The following NUMA1 variants were observed in gnomAD, a reference collection of about 807,000 sequenced individuals.
NUMA1 encodes nuclear mitotic apparatus protein 1.
A neutral mutation model predicts 237.1 loss-of-function variants in NUMA1; 62 were observed. That is an observed-to-expected ratio of 0.26 (90% confidence interval 0.21 to 0.32). The LOEUF (loss-of-function observed/expected upper bound fraction) is 0.32, where lower values mean the gene tolerates loss of function less well. NUMA1 is among the 10% of genes least tolerant of loss of function. The pLI, the probability that NUMA1 is intolerant of heterozygous loss-of-function variation, is 1.00. For missense variants in NUMA1, 2,533 were observed against 2,666.5 expected (o/e 0.95, Z 1.10); for synonymous variants, 1,028 against 1,066.1 (o/e 0.96, Z 0.70).
At chr11:72,055,273 AC>A (rs1942574789) in intron 2 of NUMA1, among the ~76,000 whole-genome samples, 1 of 152,230 alleles carries the variant, frequency 6.6e-6, no homozygotes, top group South Asian at 2.1e-4. Flanking sequence ...TGTCAGATGA[AC>A]CTTACAACAG....
rs1156742185 is a variant in NUMA1 at position 72,013,498 on chromosome 11, C to T, written c.4005G>A (p.Lys1335=). 2.5e-6 allele frequency: 4 copies of T among 1,613,454 alleles called. No individual in the cohort carries two copies. The highest frequency in any genetic ancestry group is 1.1e-5 in the South Asian group (1 of 91,082). ...LGQELKAWQE[K]FFQKEQALST... is the part of the protein sequence containing the mutation. The stretch of plus-strand genomic sequence containing the variant: ...AGAGGGCCTGCTCTTTCTGGAAGAA[C>T]TTCTCCTGCCACGCCTTCAATTCTT... Residue 1335 remains lysine (K), a synonymous_variant, in exon 15 of 27, where the codon AAG becomes AAA. Transcript: ENST00000393695. This position sits in a 1 kb window ranked among gnomAD's most constrained non-coding sequence, Gnocchi z 6.8.
chr11:72,037,519 A>T (rs1241924607), intron 2 of NUMA1, among the ~76,000 whole-genome samples: 1 of 151,654 alleles, frequency 6.6e-6, no homozygotes, highest in African/African-American at 2.4e-5. Context: ...AAAAAATAAT[A>T]AAAAAAAAGA....
intron 17 of NUMA1, among the ~76,000 whole-genome samples, chr11:72,009,764 G>A (rs563939971): frequency 6.6e-6 from 1 of 152,302 alleles, no homozygotes; most frequent in South Asian, 2.1e-4. Context: ...AGCTCTCTTA[G>A]GACAGGGGAA....
At chr11:72,072,401 T>G (rs1943492156) in intron 1 of NUMA1, 1 of 154,356 alleles carries the variant, frequency 6.5e-6, no homozygotes, top group African/African-American at 2.4e-5. Flanking sequence ...ATGCAGTCTT[T>G]CCTCCTCACC....
In NUMA1 at chr11:72,006,018, C is replaced by T. The variant is rs1002999983; in HGVS notation, c.5692+17G>A. 6.3e-7 allele frequency: 1 copy of T among 1,588,658 alleles called. No homozygotes were observed. Among genetic ancestry groups the T allele is most frequent in the Non-Finnish European group, 8.6e-7 (1 of 1,161,140 alleles). On this transcript the variant is annotated intron_variant, in intron 22 of 26. Coordinates refer to ENST00000393695, the MANE Select transcript of NUMA1 (RefSeq NM_006185.4). The stretch of plus-strand genomic sequence containing the variant: ...AGTCTAATTTTGGGGTATAGTAAGT[C>T]CCTGTAGTCCCCTCACCTGGAGGGG...
chr11:72,023,142 G>C lies in NUMA1; in HGVS notation c.214C>G (p.Arg72Gly), dbSNP rs141726451. ...CATTCTGGGGAAGAGGGATGTTTTC[G>C]ATTTTCTGCAATGACAACAACGTAG... The part of the protein sequence containing the change: ...DFVCSFLQKN[R>G]KHPSSPECLV... Residue 72 changes from arginine (R) to glycine (G), a missense_variant, in exon 6 of 27, where the codon CGA becomes GGA. Coordinates refer to ENST00000393695, the MANE Select transcript of NUMA1 (RefSeq NM_006185.4). 2.5e-4 allele frequency: 408 copies of C among 1,612,284 alleles called. 3 individuals are homozygous for C. The East Asian group carries it at 6.5e-3, about 26-fold the overall frequency.
rs778469281 is a variant in NUMA1, at chr11:72,008,195, T to A, written c.5216+493A>T. 213 of 469,418 alleles carry A rather than the reference T, an allele frequency of 4.5e-4. 2 individuals are homozygous for A. The highest frequency in any genetic ancestry group is 8.1e-4 in the Non-Finnish European group (191 of 235,126). 29.1% of individuals were successfully genotyped at this position (469,418 alleles called of 1,614,324 possible). On this transcript the variant is annotated intron_variant, in intron 20 of 26. Coordinates refer to ENST00000393695, the MANE Select transcript of NUMA1 (RefSeq NM_006185.4). ...GTGTTTAATAAAAACATTTTTCCAG[T>A]CTTAACTTCTATACTAGCTATTAGA...
chr11:72,008,816 G>T lies in NUMA1; in HGVS notation c.5088C>A (p.Asp1696Glu). The change falls in exon 20 of 27, where the codon GAC (aspartate) becomes GAA (glutamate). Residue 1696 changes from aspartate to glutamate, a missense_variant. Physicochemically the swap from Asp to Glu is conservative, Grantham distance 45. This residue lies in a region of NUMA1 where 795 missense variants were observed against 750.8 expected (regional missense o/e 1.06). Coordinates refer to ENST00000393695, the MANE Select transcript of NUMA1 (RefSeq NM_006185.4). The part of the protein sequence containing the change: ...QVAHADQQLR[D>E]LGKFQVATDA... Reference sequence around the variant, plus strand: ...CAGTTGCCACCTGGAATTTGCCCAGGTCTCGAAGCTGCTGGTCTGCATGGG... The same window carrying T: ...CAGTTGCCACCTGGAATTTGCCCAGTTCTCGAAGCTGCTGGTCTGCATGGG... 1 of 1,614,156 alleles carries T rather than the reference G, an allele frequency of 6.2e-7. No individual in the cohort carries two copies. Among genetic ancestry groups the T allele is most frequent in the African/African-American group, 1.3e-5 (1 of 75,036 alleles).
intron 3 of NUMA1, among the ~76,000 whole-genome samples, chr11:72,031,546 G>C (rs1940311294): frequency 6.6e-6 from 1 of 152,154 alleles, no homozygotes; most frequent in South Asian, 2.1e-4. Context: ...TGTAATCCCA[G>C]CACTTGGGGA....
At chr11:72,061,387 C>T (rs774568040) in intron 2 of NUMA1, among the ~76,000 whole-genome samples, 9 of 151,694 alleles carry the variant, frequency 5.9e-5, no homozygotes, top group Non-Finnish European at 1.3e-4. Context: ...GGAAAGAGCC[C>T]AAAACACTCA....
Position 72,035,962 on chromosome 11 carries a change from T to C in NUMA1, c.-19A>G. 1 of 1,613,350 alleles carries C rather than the reference T, an allele frequency of 6.2e-7. No homozygotes were observed. Among genetic ancestry groups the C allele is most frequent in the African/African-American group, 1.3e-5 (1 of 74,978 alleles). On this transcript the variant is annotated 5_prime_UTR_variant, in exon 3 of 27. Coordinates refer to ENST00000393695, the MANE Select transcript of NUMA1 (RefSeq NM_006185.4). ...GTGTCATCTTGGTGATGCCAGACAG[T>C]CACTCCAATGCGCCTGGAACCCAAG...
chr11:72,029,170 C>A, intron 4 of NUMA1, 35 bp downstream of exon 4: 1 of 1,510,832 alleles, frequency 6.6e-7, no homozygotes, highest in South Asian at 1.1e-5. Context: ...TCAGCTTTGC[C>A]TTAGAGGCTA....
intron 2 of NUMA1, among the ~76,000 whole-genome samples, chr11:72,055,105 G>A (rs1942566297): frequency 2.0e-5 from 3 of 152,060 alleles, no homozygotes; most frequent in Admixed American, 1.3e-4. Flanking sequence ...AAAAAAATGA[G>A]ACAGCAAAGG....
intron 3 of NUMA1, 32 bp from the exon 4 acceptor site, chr11:72,029,322 C>T (rs768067244): frequency 1.9e-5 from 26 of 1,396,612 alleles, no homozygotes; most frequent in Admixed American, 4.1e-5. Context: ...CTAGTGAGAC[C>T]GTTAGAAGCA....
Position 72,014,378 on chromosome 11 carries a change from C to G in NUMA1, c.3125G>C (p.Arg1042Pro), listed in dbSNP as rs779837381. Residue 1042 changes from arginine (R) to proline (P), a missense_variant, in exon 15 of 27, where the codon CGT becomes CCT. Arg to Pro is a moderately radical substitution (Grantham distance 103). Transcript: ENST00000393695. The surrounding 1 kb of genome is among the most constrained non-coding windows in gnomAD (Gnocchi z 4.6). ...CTCTTGCAGGGTAGCGAACTCCACACGCTGCTCGTTGAGGGCGTTCTGCAG... is the reference window on the plus strand; with the variant it reads ...CTCTTGCAGGGTAGCGAACTCCACAGGCTGCTCGTTGAGGGCGTTCTGCAG... Reference protein sequence around the residue: ...MRLQNALNEQRVEFATLQEAL... With the variant: ...MRLQNALNEQPVEFATLQEAL... 6.2e-6 allele frequency: 10 copies of G among 1,612,840 alleles called. No individual in the cohort carries two copies. Among genetic ancestry groups the G allele is most frequent in the Non-Finnish European group, 8.5e-6 (10 of 1,180,042 alleles).
chr11:72,013,214 T>G lies in NUMA1; in HGVS notation c.4289A>C (p.Lys1430Thr), dbSNP rs1030132186. ...GCTCAGCTGCTCTGCATAGCTGGCC[T>G]TCTCTGCCCGCAGCTGCTGAGCTGT... ...ERTAQQLRAE[K>T]ASYAEQLSML... The change falls in exon 15 of 27, where the codon AAG (lysine) becomes ACG (threonine). Residue 1430 changes from lysine to threonine, a missense_variant. By Grantham distance (78) the Lys-to-Thr change is moderately conservative. Around this residue, in one of 3 missense-constraint regions of NUMA1, gnomAD observed 324 missense variants for 407.6 expected, o/e 0.79. Transcript: ENST00000393695. The surrounding 1 kb of genome is among the most constrained non-coding windows in gnomAD (Gnocchi z 6.8). The G allele has an allele frequency of 7.5e-6, 12 of 1,609,862 alleles. No individual in the cohort carries two copies. The highest frequency in any genetic ancestry group is 1.3e-5 in the African/African-American group (1 of 74,938).
chr11:72,035,053 TG>T (rs1940839663), intron 3 of NUMA1, among the ~76,000 whole-genome samples: 1 of 152,128 alleles, frequency 6.6e-6, no homozygotes, highest in South Asian at 2.1e-4. Flanking sequence ...GACAGGTTTT[TG>T]CCATGTTGCC....
intron 13 of NUMA1, chr11:72,017,305 C>A: frequency 3.5e-6 from 1 of 287,454 alleles, no homozygotes; most frequent in South Asian, 3.5e-5. Flanking sequence ...GCTTACTTTA[C>A]ACTACACGAT....
intron 2 of NUMA1, chr11:72,068,046 C>T (rs1219355847): frequency 6.6e-6 from 1 of 152,216 alleles, no homozygotes; most frequent in Non-Finnish European, 1.5e-5. Flanking sequence ...TGATTTAATA[C>T]ATCATTTCTG....
Sources: allele counts gnomAD v4.1 joint callset (sites outside exome capture counted in the v4.1 genomes callset), GRCh38; gene constraint gnomAD v4.1.1; regional missense constraint gnomAD v4.1.1; non-coding constraint Gnocchi (gnomAD v3.1); transcripts MANE v1.5; gene names NCBI Gene and HGNC (gene_info 2026-07-23, HGNC 2026-07-21).